The following MSRA variants were observed in gnomAD, a reference collection of about 807,000 sequenced individuals.
MSRA encodes the protein methionine sulfoxide reductase A.
MSRA carries 54 observed loss-of-function variants against 31.3 expected under a neutral mutation model. The ratio of observed to expected loss-of-function variants is 1.73; its 90% confidence interval spans 1.39 to 2.17. MSRA has a LOEUF of 2.17. Among genes scored for constraint, MSRA ranks in the 30% most tolerant of loss-of-function variants. The pLI, the probability that MSRA is intolerant of heterozygous loss-of-function variation, is 0.00. For missense variants in MSRA, 507 were observed against 300.9 expected (o/e 1.69, Z -5.07); for synonymous variants, 169 against 116.5 (o/e 1.45, Z -2.90).
chr8:10,186,540 T>G (rs1406087288), intron 1 of MSRA, among the ~76,000 whole-genome samples: 1 of 152,198 alleles, frequency 6.6e-6, no homozygotes, highest in Non-Finnish European at 1.5e-5. Flanking sequence ...GGAGGCAGGC[T>G]GGATATGGGT....
At chr8:10,411,038 G>A (rs1808127717) in intron 5 of MSRA, 1 of 151,448 alleles carries the variant, frequency 6.6e-6, no homozygotes, top group Admixed American at 6.6e-5. Context: ...AATCCTGACT[G>A]TACTTCATTG....
At chr8:10,296,625 G>A (rs1304256896) in intron 3 of MSRA, among the ~76,000 whole-genome samples, 1 of 152,210 alleles carries the variant, frequency 6.6e-6, no homozygotes, top group Non-Finnish European at 1.5e-5. Flanking sequence ...AATAATATAA[G>A]ATGTAGAGAC....
At chr8:10,373,470 G>T (rs1421044357) in intron 5 of MSRA, among the ~76,000 whole-genome samples, 6 of 152,220 alleles carry the variant, frequency 3.9e-5, no homozygotes, top group African/African-American at 4.8e-5. Flanking sequence ...GGGCTATCAA[G>T]CCTTGATCCT....
chr8:10,197,848 C>T (rs531003130), intron 1 of MSRA, among the ~76,000 whole-genome samples: 37 of 152,144 alleles, frequency 2.4e-4, no homozygotes, highest in Non-Finnish European at 5.0e-4. Flanking sequence ...GAGTGTGCGT[C>T]ACTTGGGGCA....
intron 1 of MSRA, among the ~76,000 whole-genome samples, chr8:10,130,778 G>T (rs1457199063): frequency 6.6e-6 from 1 of 152,140 alleles, no homozygotes; most frequent in Non-Finnish European, 1.5e-5. Flanking sequence ...GATGTATTTT[G>T]CAGTGGCTGG....
At chr8:10,300,903 G>A (rs1433158316) in intron 3 of MSRA, among the ~76,000 whole-genome samples, 1 of 151,978 alleles carries the variant, frequency 6.6e-6, no homozygotes, top group Non-Finnish European at 1.5e-5. Flanking sequence ...TACTTACAGA[G>A]GATCCTGCAA....
At chr8:10,214,946 T>C (rs1379783364) in intron 2 of MSRA, among the ~76,000 whole-genome samples, 2 of 152,162 alleles carry the variant, frequency 1.3e-5, no homozygotes, top group Non-Finnish European at 2.9e-5. Context: ...AAATCTCTTT[T>C]GGTTTGGAAA....
intron 2 of MSRA, among the ~76,000 whole-genome samples, chr8:10,222,742 A>G (rs1384275978): frequency 6.6e-6 from 1 of 152,222 alleles, no homozygotes; most frequent in Non-Finnish European, 1.5e-5. Context: ...GGCATAGAAA[A>G]ACAAATAGTG....
chr8:10,135,665 G>A (rs766237030), intron 1 of MSRA, among the ~76,000 whole-genome samples: 9 of 152,264 alleles, frequency 5.9e-5, no homozygotes, highest in African/African-American at 4.8e-5. Flanking sequence ...GTGCATTCGC[G>A]TGCCCCTATG....
In MSRA at chr8:10,370,333, C is replaced by T. The variant is rs931308692; in HGVS notation, c.543+50344C>T. On this transcript the variant is annotated intron_variant, in intron 5 of 5. Coordinates refer to ENST00000317173, the MANE Select transcript of MSRA (RefSeq NM_012331.5). ...TCTCCCACTACCAGAGTACTGCTTC[C>T]TGTGAGAAGAGTGGTCCCTCCAAAG... Among the ~76,000 whole-genome samples the T allele has an allele frequency of 5.9e-5, 9 of 152,300 alleles. No homozygotes were observed. The East Asian group carries it at 1.7e-3, about 29-fold the overall frequency.
intron 5 of MSRA, among the ~76,000 whole-genome samples, chr8:10,408,370 C>G (rs1022955094): frequency 2.0e-5 from 3 of 152,058 alleles, no homozygotes; most frequent in Admixed American, 6.6e-5. Context: ...AACCCTGTCT[C>G]TACCAAAATT....
chr8:10,410,942 G>C (rs1325019187), intron 5 of MSRA, among the ~76,000 whole-genome samples: 1 of 152,064 alleles, frequency 6.6e-6, no homozygotes. Context: ...GAACACCTAT[G>C]GCCTATTTTG....
chr8:10,281,240 C>T (rs1799607839), intron 3 of MSRA, among the ~76,000 whole-genome samples: 2 of 152,190 alleles, frequency 1.3e-5, no homozygotes, highest in Admixed American at 1.3e-4. Flanking sequence ...TAGCTCTAAA[C>T]TACTTACTTT....
chr8:10,126,329 C>T (rs1045120794), intron 1 of MSRA, among the ~76,000 whole-genome samples: 4 of 152,064 alleles, frequency 2.6e-5, no homozygotes, highest in African/African-American at 9.7e-5. Context: ...AAAATAGTAC[C>T]TGAAATGCAA....
intron 5 of MSRA, among the ~76,000 whole-genome samples, chr8:10,414,274 C>T (rs1808328154): frequency 1.3e-5 from 2 of 152,166 alleles, no homozygotes; most frequent in African/African-American, 4.8e-5. Flanking sequence ...AGACACAGTC[C>T]CAAGAGACAT....
chr8:10,108,113 C>T (rs553296690), intron 1 of MSRA, among the ~76,000 whole-genome samples: 2 of 152,306 alleles, frequency 1.3e-5, no homozygotes, highest in South Asian at 4.2e-4. Flanking sequence ...GCCCAGACTT[C>T]TGCAAGTGAG....
At chr8:10,169,392 G>C (rs895460203) in intron 1 of MSRA, among the ~76,000 whole-genome samples, 12 of 152,174 alleles carry the variant, frequency 7.9e-5, no homozygotes, top group East Asian at 1.9e-4. Context: ...TCAGTTCCCT[G>C]TGTGTTACTG....
intron 1 of MSRA, among the ~76,000 whole-genome samples, chr8:10,115,994 G>T (rs144499055): frequency 3.9e-4 from 60 of 152,342 alleles, no homozygotes; most frequent in African/African-American, 1.4e-3. Context: ...ATTCACGCAT[G>T]GTGGCTCGAG....
intron 2 of MSRA, among the ~76,000 whole-genome samples, chr8:10,238,075 C>T (rs957231391): frequency 6.6e-6 from 1 of 152,194 alleles, no homozygotes; most frequent in South Asian, 2.1e-4. Context: ...CACTATCTGG[C>T]TTATCTGATC....
Sources: gnomAD v4.1 joint callset for allele counts (sites outside exome capture counted in the v4.1 genomes callset) on GRCh38, gnomAD v4.1.1 for gene constraint, MANE v1.5 for transcripts, NCBI Gene and HGNC (gene_info 2026-07-23, HGNC 2026-07-21) for gene names.